DSCAML1: variants seen among roughly 807,000 people sequenced by gnomAD.
DSCAML1 encodes the protein DS cell adhesion molecule like 1, also known as cell adhesion molecule DSCAML1.
DSCAML1 carries 38 observed loss-of-function variants against 200.5 expected under a neutral mutation model. That is an observed-to-expected ratio of 0.19 (90% CI 0.15 to 0.25). DSCAML1 has a LOEUF of 0.25. Ranked by LOEUF, DSCAML1 falls within the 10% of genes least tolerant of loss-of-function variation. The pLI is 1.00. For synonymous variants in DSCAML1, 1,215 were observed against 1,165.0 expected, an observed-to-expected ratio of 1.04 and a Z score of -0.87; for missense variants, 2,223 against 2,858.8, an observed-to-expected ratio of 0.78 and a Z score of 5.07.
intron 3 of DSCAML1, among the ~76,000 whole-genome samples, chr11:117,695,110 C>T (rs1180129357): frequency 1.3e-5 from 2 of 152,032 alleles, no homozygotes; most frequent in African/African-American, 4.8e-5. Context: ...GGAGATATTA[C>T]AAGGTCCTAA....
At chr11:117,679,658 G>A (rs1231761486) in intron 3 of DSCAML1, among the ~76,000 whole-genome samples, 3 of 152,176 alleles carry the variant, frequency 2.0e-5, no homozygotes, top group African/African-American at 7.2e-5. Context: ...CTTCCCTGCT[G>A]TCTAGGCTCA....
chr11:117,780,853 T>G lies in DSCAML1; in HGVS notation c.47-43A>C. 2 of 1,379,848 alleles carry G rather than the reference T, an allele frequency of 1.4e-6. No homozygotes were observed. The highest frequency in any genetic ancestry group is 1.9e-6 in the Non-Finnish European group (2 of 1,066,794). The allele number at this position is 1,379,848 out of a possible 1,614,324, so 85.5% of individuals were successfully genotyped here. ...GGAGAGACTTGGTTAGCATGGGCTC[T>G]AACAATACCCATATAAGCCACGGAG... On this transcript the variant is annotated intron_variant, in intron 1 of 32. Transcript: ENST00000651296. The surrounding 1 kb of genome is among the most constrained non-coding windows in gnomAD (Gnocchi z 4.8).
intron 3 of DSCAML1, among the ~76,000 whole-genome samples, chr11:117,762,213 A>G (rs917907791): frequency 2.6e-5 from 4 of 152,266 alleles, no homozygotes; most frequent in Non-Finnish European, 5.9e-5. Flanking sequence ...AGATAAGTTC[A>G]TAAAGCAGAC....
At chr11:117,457,186 T>A (rs1230494760) in intron 19 of DSCAML1, among the ~76,000 whole-genome samples, 1 of 152,224 alleles carries the variant, frequency 6.6e-6, no homozygotes, top group Non-Finnish European at 1.5e-5. Context: ...GCCTTTTCCA[T>A]GCTGCGGCGC....
rs370164486 is a variant in DSCAML1 at position 117,643,943 on chromosome 11, G to T, written c.512-111421C>A. 7.3e-4 allele frequency among the ~76,000 whole-genome samples: 111 copies of T among 152,344 alleles called. 1 individual carries two copies. Among genetic ancestry groups the T allele is most frequent in the South Asian group, 4.8e-3 (23 of 4,830 alleles). ...AGGTGGCAGGTGGCAGAGCTGGAAC[G>T]TTCAGCCCAAGCCCATTTGAGGTAG... On this transcript the variant is annotated intron_variant, in intron 3 of 32. Transcript: ENST00000651296.
chr11:117,688,348 T>G (rs1321479534), intron 3 of DSCAML1, among the ~76,000 whole-genome samples: 1 of 152,148 alleles, frequency 6.6e-6, no homozygotes, highest in Non-Finnish European at 1.5e-5. Flanking sequence ...GGGAGGGCTG[T>G]GTTCTCGGGG....
chr11:117,758,546 C>G (rs1357624493), intron 3 of DSCAML1, among the ~76,000 whole-genome samples: 1 of 151,774 alleles, frequency 6.6e-6, no homozygotes, highest in East Asian at 2.0e-4. Context: ...GGACTACAGG[C>G]GCCTACCACC....
intron 16 of DSCAML1, among the ~76,000 whole-genome samples, chr11:117,468,442 G>C (rs187385169): frequency 1.7e-4 from 26 of 151,808 alleles, no homozygotes; most frequent in Admixed American, 9.2e-4. Flanking sequence ...AATTTTTATC[G>C]ACCTGTGGGT....
intron 3 of DSCAML1, among the ~76,000 whole-genome samples, chr11:117,665,313 G>A (rs1441280161): frequency 6.6e-6 from 1 of 152,190 alleles, no homozygotes; most frequent in African/African-American, 2.4e-5. Flanking sequence ...CAAGTCAAAG[G>A]ACATATCTAA....
intron 3 of DSCAML1, among the ~76,000 whole-genome samples, chr11:117,685,538 A>C (rs943304490): frequency 6.6e-6 from 1 of 152,144 alleles, no homozygotes; most frequent in Non-Finnish European, 1.5e-5. Context: ...ACCCCTAGGT[A>C]AGAGGGTCTG....
rs554112664 is a variant in DSCAML1, at chr11:117,489,829, C to T, written c.2360-7667G>A. On this transcript the variant is annotated intron_variant, in intron 11 of 32. Transcript: ENST00000651296. This position sits in a 1 kb window ranked among gnomAD's most constrained non-coding sequence, Gnocchi z 4.8. ...ATGGCACGTGTCCTCCGGCAGCGTC[C>T]TTGCCTCCTTGTGTGTGACTGTGAG... 1.4e-4 allele frequency among the ~76,000 whole-genome samples: 21 copies of T among 152,342 alleles called. 1 individual carries two copies. Among genetic ancestry groups the T allele is most frequent in the East Asian group, 5.8e-4 (3 of 5,180 alleles).
At chr11:117,548,910 C>T (rs531442541) in intron 3 of DSCAML1, among the ~76,000 whole-genome samples, 38 of 152,282 alleles carry the variant, frequency 2.5e-4, no homozygotes, top group South Asian at 1.0e-3. Context: ...TCATTTCTGT[C>T]TCTGCTTTTT....
At chr11:117,451,911 C>G (rs559737685) in intron 19 of DSCAML1, among the ~76,000 whole-genome samples, 1 of 152,318 alleles carries the variant, frequency 6.6e-6, no homozygotes, top group South Asian at 2.1e-4. Context: ...CTGTCTCTAA[C>G]TCTCAGCTGA....
chr11:117,672,121 A>AAAG (rs1429738731), intron 3 of DSCAML1, among the ~76,000 whole-genome samples: 6 of 147,558 alleles, frequency 4.1e-5, no homozygotes, highest in East Asian at 2.0e-4. Flanking sequence ...AAAAAAAAAA[A>AAAG]AAGAAGAAAC....
At chr11:117,511,252 A>T (rs1258565242) in intron 8 of DSCAML1, among the ~76,000 whole-genome samples, 1 of 151,954 alleles carries the variant, frequency 6.6e-6, no homozygotes, top group Non-Finnish European at 1.5e-5. Flanking sequence ...CTTGTCCTCC[A>T]CAGAAGCCTG....
chr11:117,803,062 T>C (rs1266806276), intron 1 of DSCAML1, among the ~76,000 whole-genome samples: 1 of 139,138 alleles, frequency 7.2e-6, no homozygotes, highest in Non-Finnish European at 1.6e-5. Flanking sequence ...TGGTGAACAT[T>C]TTGGGGGGAT....
At chr11:117,442,391 ATG>A (rs796398244) in intron 21 of DSCAML1, among the ~76,000 whole-genome samples, 3 of 151,636 alleles carry the variant, frequency 2.0e-5, no homozygotes, top group Non-Finnish European at 4.4e-5. Context: ...GTGTGTATGC[ATG>A]TGTGTGCACA....
chr11:117,742,194 G>C (rs2054435934), intron 3 of DSCAML1, among the ~76,000 whole-genome samples: 1 of 152,282 alleles, frequency 6.6e-6, no homozygotes, highest in Non-Finnish European at 1.5e-5. Context: ...CCTGAGTTCA[G>C]GCCCTCACTT....
chr11:117,797,225 G>A, upstream of DSCAML1: 8 of 1,482,012 alleles, frequency 5.4e-6, no homozygotes, highest in Non-Finnish European at 6.3e-6. Flanking sequence ...CTGCGGCGGC[G>A]GCTCCTCCCT....
Sources: gnomAD v4.1 joint callset for allele counts (sites outside exome capture counted in the v4.1 genomes callset) on GRCh38, gnomAD v4.1.1 for gene constraint, Gnocchi (gnomAD v3.1) non-coding constraint, MANE v1.5 for transcripts, NCBI Gene and HGNC (gene_info 2026-07-23, HGNC 2026-07-21) for gene names.